The following FHIT variants were observed in gnomAD, a reference collection of about 807,000 sequenced individuals.
The protein encoded by FHIT is bis(5'-adenosyl)-triphosphatase.
FHIT carries 19 observed loss-of-function variants against 17.9 expected under a neutral mutation model. The ratio of observed to expected loss-of-function variants is 1.06; its 90% CI spans 0.74 to 1.56. The LOEUF is 1.56. Among genes scored for constraint, FHIT ranks in the 40% most tolerant of loss-of-function variants. FHIT has a pLI of 0.00. For missense variants in FHIT, 248 were observed against 189.2 expected (o/e 1.31, Z -1.82); for synonymous variants, 81 against 69.7 (o/e 1.16, Z -0.81).
chr3:60,657,853 G>A (rs189548684), intron 4 of FHIT, among the ~76,000 whole-genome samples: 25 of 152,194 alleles, frequency 1.6e-4, no homozygotes, highest in Middle Eastern at 3.4e-3. Flanking sequence ...TCATAACAAT[G>A]TATCCAATTT....
intron 5 of FHIT, among the ~76,000 whole-genome samples, chr3:60,237,221 T>C (rs1009605771): frequency 6.6e-6 from 1 of 151,964 alleles, no homozygotes; most frequent in Non-Finnish European, 1.5e-5. Flanking sequence ...TATTTCTCCA[T>C]ATCCTTAAAA....
intron 5 of FHIT, among the ~76,000 whole-genome samples, chr3:60,135,040 T>C (rs540139397): frequency 3.7e-4 from 56 of 151,916 alleles, no homozygotes; most frequent in African/African-American, 1.4e-3. Context: ...AGGGAGTGAA[T>C]ATCTAGCTGA....
At chr3:60,831,227 A>ACG (rs1439720379) in intron 3 of FHIT, among the ~76,000 whole-genome samples, 2 of 152,200 alleles carry the variant, frequency 1.3e-5, no homozygotes, top group African/African-American at 4.8e-5. Flanking sequence ...AAGGAAAGGA[A>ACG]CGAGTTGAAG....
At chr3:60,792,638 A>G (rs782695728) in intron 4 of FHIT, among the ~76,000 whole-genome samples, 8 of 152,202 alleles carry the variant, frequency 5.3e-5, no homozygotes, top group Non-Finnish European at 1.0e-4. Context: ...CACCCAAATG[A>G]CATGCTTTAT....
intron 4 of FHIT, among the ~76,000 whole-genome samples, chr3:60,637,880 A>T (rs772137153): frequency 1.3e-5 from 2 of 152,172 alleles, no homozygotes; most frequent in Non-Finnish European, 2.9e-5. Flanking sequence ...GAAATGACTG[A>T]TTCCAGATCT....
intron 2 of FHIT, among the ~76,000 whole-genome samples, chr3:61,164,796 CCTCA>C (rs774112110): frequency 6.6e-6 from 1 of 152,142 alleles, no homozygotes; most frequent in Non-Finnish European, 1.5e-5. Context: ...TGCTTCCCTC[CCTCA>C]CTCACTCCTC....
intron 5 of FHIT, among the ~76,000 whole-genome samples, chr3:60,452,614 T>G (rs1283371404): frequency 1.3e-5 from 2 of 152,178 alleles, no homozygotes; most frequent in Non-Finnish European, 2.9e-5. Flanking sequence ...AATTCTAAAG[T>G]GCTGCAGCTT....
chr3:60,337,233 G>T (rs1476774091), intron 5 of FHIT, among the ~76,000 whole-genome samples: 1 of 152,032 alleles, frequency 6.6e-6, no homozygotes, highest in Non-Finnish European at 1.5e-5. Context: ...ATCGCAAGGT[G>T]TGCCTTCTCT....
At chr3:60,918,361 T>A (rs1434556078) in intron 3 of FHIT, among the ~76,000 whole-genome samples, 3 of 152,250 alleles carry the variant, frequency 2.0e-5, no homozygotes, top group Non-Finnish European at 2.9e-5. Context: ...TTTACTAAAC[T>A]CTTATTAGAT....
At chr3:60,251,013 G>C (rs994203023) in intron 5 of FHIT, among the ~76,000 whole-genome samples, 2 of 152,158 alleles carry the variant, frequency 1.3e-5, no homozygotes, top group Non-Finnish European at 2.9e-5. Context: ...TTTGTAAGTA[G>C]CCCTGGGAGA....
intron 4 of FHIT, among the ~76,000 whole-genome samples, chr3:60,640,296 C>T (rs1206004108): frequency 3.3e-5 from 5 of 151,266 alleles, no homozygotes; most frequent in African/African-American, 1.2e-4. Context: ...CCCCAATAAG[C>T]TTTTTTTTTC....
intron 7 of FHIT, among the ~76,000 whole-genome samples, chr3:59,960,639 A>G (rs1269203888): frequency 6.6e-6 from 1 of 152,184 alleles, no homozygotes; most frequent in Admixed American, 6.5e-5. Context: ...TTTGGAAAAC[A>G]ATGTTCATGG....
At position 60,069,139 on chromosome 3, in the gene FHIT, G is replaced by T. The variant is rs528043321; in HGVS notation, c.104-54987C>A. 2.0e-5 allele frequency among the ~76,000 whole-genome samples: 3 copies of T among 150,956 alleles called. No homozygotes were observed. In the East Asian group the frequency reaches 5.8e-4, roughly 29 times the overall value. On this transcript the variant is annotated intron_variant, in intron 5 of 9. Transcript: ENST00000492590. Reference sequence around the variant, plus strand: ...CAAATCTAGATAATGTACATAAAGGGATATTAAGTCATGAAACAGTGCTTG... The same window carrying T: ...CAAATCTAGATAATGTACATAAAGGTATATTAAGTCATGAAACAGTGCTTG...
intron 5 of FHIT, among the ~76,000 whole-genome samples, chr3:60,065,390 G>A (rs3856667): frequency 0.29 from 44,750 of 151,826 alleles, 8,741 homozygotes; most frequent in African/African-American, 0.56. Context: ...TAAAATGGAT[G>A]GCATAATAGT....
chr3:61,214,221 G>T (rs1388618446), intron 1 of FHIT, among the ~76,000 whole-genome samples: 2 of 151,868 alleles, frequency 1.3e-5, no homozygotes, highest in Admixed American at 6.6e-5. Context: ...TCCAGGAGCT[G>T]GTTTTTTGAA....
intron 4 of FHIT, among the ~76,000 whole-genome samples, chr3:60,800,422 T>C (rs1243485248): frequency 2.0e-5 from 3 of 152,136 alleles, no homozygotes; most frequent in Non-Finnish European, 2.9e-5. Flanking sequence ...AACATATTGA[T>C]ATCATTGGCA....
intron 4 of FHIT, among the ~76,000 whole-genome samples, chr3:60,626,993 CA>C (rs2039306972): frequency 6.6e-6 from 1 of 151,934 alleles, no homozygotes; most frequent in African/African-American, 2.4e-5. Context: ...TGCTATATTA[CA>C]TTTATTAGTT....
At chr3:61,039,571 G>C (rs2033409036) in intron 3 of FHIT, among the ~76,000 whole-genome samples, 1 of 152,164 alleles carries the variant, frequency 6.6e-6, no homozygotes. Context: ...GATGAAGCTG[G>C]AAACCATCAT....
At chr3:61,057,457 A>G (rs1013562170) in intron 2 of FHIT, among the ~76,000 whole-genome samples, 8 of 152,194 alleles carry the variant, frequency 5.3e-5, no homozygotes, top group African/African-American at 1.9e-4. Context: ...ACCAGGTGAT[A>G]GCTCTGGATG....
Sources: gnomAD v4.1 joint callset for allele counts (sites outside exome capture counted in the v4.1 genomes callset) on GRCh38, gnomAD v4.1.1 for gene constraint, MANE v1.5 for transcripts, NCBI Gene and HGNC (gene_info 2026-07-23, HGNC 2026-07-21) for gene names.